The following KCNIP4 variants were observed in gnomAD, a reference collection of about 807,000 sequenced individuals.
KCNIP4 encodes the protein Kv channel-interacting protein 4.
In KCNIP4, 12 loss-of-function variants were observed where a neutral mutation model predicts 34.0. The observed-to-expected ratio is 0.35, with a 90% confidence interval of 0.23 to 0.57. The LOEUF (loss-of-function observed/expected upper bound fraction) is 0.57, where lower values mean the gene tolerates loss of function less well. KCNIP4 is among the 20% of genes least tolerant of loss of function. The pLI, the probability that KCNIP4 is intolerant of heterozygous loss-of-function variation, is 0.83. For synonymous variants in KCNIP4, 124 were observed against 102.2 expected, an observed-to-expected ratio of 1.21 and a Z score of -1.29; for missense variants, 238 against 311.7, an observed-to-expected ratio of 0.76 and a Z score of 1.78.
intron 1 of KCNIP4, among the ~76,000 whole-genome samples, chr4:21,384,244 T>C (rs1235899955): frequency 6.6e-6 from 1 of 152,202 alleles, no homozygotes; most frequent in Non-Finnish European, 1.5e-5. Flanking sequence ...ATAGCATTTA[T>C]CCTATATTAA....
intron 1 of KCNIP4, among the ~76,000 whole-genome samples, chr4:21,191,968 T>C (rs1321837568): frequency 6.6e-6 from 1 of 152,168 alleles, no homozygotes; most frequent in East Asian, 1.9e-4. Context: ...CCAGTAGAGA[T>C]CTTGATTCAT....
intron 1 of KCNIP4, among the ~76,000 whole-genome samples, chr4:21,766,543 C>G (rs1646976291): frequency 6.6e-6 from 1 of 152,094 alleles, no homozygotes; most frequent in African/African-American, 2.4e-5. Flanking sequence ...AGCGAATTTC[C>G]TCGACTGGTG....
chr4:20,912,693 GACAA>G (rs1728440695), intron 1 of KCNIP4, among the ~76,000 whole-genome samples: 1 of 152,098 alleles, frequency 6.6e-6, no homozygotes, highest in African/African-American at 2.4e-5. Context: ...ACAATAAAAA[GACAA>G]ACAACCTAAT....
In KCNIP4 at chr4:20,977,509, C is replaced by G. The variant is rs572524450; in HGVS notation, c.62-94800G>C. Among the ~76,000 whole-genome samples the G allele has an allele frequency of 4.6e-5, 7 of 152,242 alleles. No homozygotes were observed. The East Asian group carries it at 1.4e-3, about 29-fold the overall frequency. On this transcript the variant is annotated intron_variant, in intron 1 of 8. Transcript: ENST00000382152. ...CTGGAGGGCATTCCCCTTCCACTCC[C>G]CTCACTGCCCACTTAAAATTATAGC...
chr4:21,603,311 C>T (rs962097335), intron 1 of KCNIP4, among the ~76,000 whole-genome samples: 18 of 151,212 alleles, frequency 1.2e-4, no homozygotes, highest in Admixed American at 1.1e-3. Flanking sequence ...ATAGAGATCA[C>T]TAAAATTTAT....
chr4:21,941,012 A>T (rs538978697), intron 1 of KCNIP4, among the ~76,000 whole-genome samples: 1 of 151,054 alleles, frequency 6.6e-6, no homozygotes, highest in East Asian at 1.9e-4. Context: ...AGCATGGATA[A>T]AAGGTATGGG....
intron 1 of KCNIP4, among the ~76,000 whole-genome samples, chr4:21,248,526 G>A (rs1760457953): frequency 6.6e-6 from 1 of 152,148 alleles, no homozygotes; most frequent in Admixed American, 6.6e-5. Context: ...ATTTCCAAAT[G>A]CTGCATTTTT....
chr4:20,731,704 A>C (rs1748272603), intron 8 of KCNIP4: 2 of 985,148 alleles, frequency 2.0e-6, no homozygotes, highest in African/African-American at 3.5e-5. Flanking sequence ...GAGCAATTCA[A>C]ATCTCATGTA....
chr4:21,172,782 A>G (rs1230351064), intron 1 of KCNIP4, among the ~76,000 whole-genome samples: 1 of 152,212 alleles, frequency 6.6e-6, no homozygotes, highest in Non-Finnish European at 1.5e-5. Context: ...TTTGAACCAT[A>G]GGTGTGCTTA....
intron 1 of KCNIP4, among the ~76,000 whole-genome samples, chr4:21,810,545 C>T (rs1288284070): frequency 6.6e-6 from 1 of 152,036 alleles, no homozygotes; most frequent in Non-Finnish European, 1.5e-5. Context: ...AAAAAACTAG[C>T]CGGGCATAGG....
At chr4:21,172,862 A>G (rs955433493) in intron 1 of KCNIP4, among the ~76,000 whole-genome samples, 13 of 152,186 alleles carry the variant, frequency 8.5e-5, no homozygotes, top group Non-Finnish European at 1.8e-4. Context: ...TTAAACAGAA[A>G]TGGAATTCAT....
At chr4:20,735,453 C>T (rs1749354300) in intron 5 of KCNIP4, among the ~76,000 whole-genome samples, 1 of 150,790 alleles carries the variant, frequency 6.6e-6, no homozygotes, top group Non-Finnish European at 1.5e-5. Context: ...ATGGAGCCCT[C>T]AGTTTGTATC....
intron 1 of KCNIP4, among the ~76,000 whole-genome samples, chr4:21,087,267 C>A (rs1746553467): frequency 6.6e-6 from 1 of 151,742 alleles, no homozygotes; most frequent in Non-Finnish European, 1.5e-5. Flanking sequence ...ACCTCCACCT[C>A]TTCAGTTCAA....
intron 1 of KCNIP4, among the ~76,000 whole-genome samples, chr4:21,434,711 T>C (rs977017542): frequency 6.6e-6 from 1 of 151,082 alleles, no homozygotes; most frequent in African/African-American, 2.4e-5. Flanking sequence ...TAATGCCTGA[T>C]GCAACAGTTT....
intron 3 of KCNIP4, among the ~76,000 whole-genome samples, chr4:20,763,729 AT>A (rs960958069): frequency 7.2e-5 from 11 of 151,862 alleles, no homozygotes; most frequent in African/African-American, 2.7e-4. Context: ...ATTGATTTTT[AT>A]TTTGTATTTT....
At chr4:21,642,135 C>T (rs1428710273) in intron 1 of KCNIP4, among the ~76,000 whole-genome samples, 1 of 152,202 alleles carries the variant, frequency 6.6e-6, no homozygotes, top group African/African-American at 2.4e-5. Context: ...CACTCCTTCT[C>T]ATCAAGAAAA....
intron 1 of KCNIP4, among the ~76,000 whole-genome samples, chr4:21,815,370 T>C (rs777501313): frequency 6.6e-6 from 1 of 152,188 alleles, no homozygotes; most frequent in Non-Finnish European, 1.5e-5. Context: ...GTAAAGACTC[T>C]TGTAATGTTA....
At chr4:21,313,335 C>T (rs1713392158) in intron 1 of KCNIP4, among the ~76,000 whole-genome samples, 1 of 152,110 alleles carries the variant, frequency 6.6e-6, no homozygotes, top group Non-Finnish European at 1.5e-5. Flanking sequence ...TACTTCCTCA[C>T]TGTAATAGAG....
intron 1 of KCNIP4, among the ~76,000 whole-genome samples, chr4:21,500,076 G>A (rs530708790): frequency 6.6e-6 from 1 of 152,256 alleles, no homozygotes; most frequent in South Asian, 2.1e-4. Flanking sequence ...CAAAGTCAGT[G>A]TTATTGAAAT....
Sources: gnomAD v4.1 joint callset for allele counts (sites outside exome capture counted in the v4.1 genomes callset) on GRCh38, gnomAD v4.1.1 for gene constraint, MANE v1.5 for transcripts, NCBI Gene and HGNC (gene_info 2026-07-23, HGNC 2026-07-21) for gene names.